Variants in AATF observed in about 807,000 individuals in gnomAD.
The protein encoded by AATF is protein AATF.
In AATF, 48 loss-of-function variants were observed where a neutral mutation model predicts 63.7. The observed-to-expected ratio is 0.75, with a 90% CI of 0.60 to 0.96. The LOEUF is 0.96. Among genes scored for constraint, AATF ranks in the 40% least tolerant of loss-of-function variants. AATF has a pLI of 0.00. For missense variants in AATF, 639 were observed against 685.7 expected, an observed-to-expected ratio of 0.93 and a Z score of 0.76; for synonymous variants, 258 against 247.7, an observed-to-expected ratio of 1.04 and a Z score of -0.39.
chr17:36,972,730 G>T lies in AATF; in HGVS notation c.833-13887G>T, dbSNP rs558248517. Among the ~76,000 whole-genome samples the T allele has an allele frequency of 4.0e-5, 6 of 149,518 alleles. No individual in the cohort carries two copies. The South Asian group carries it at 1.1e-3, about 26-fold the overall frequency. On this transcript the variant is annotated intron_variant, in intron 4 of 11. Transcript: ENST00000619387. The stretch of plus-strand genomic sequence containing the variant: ...TGTAATAGATGCATTTATCATGATT[G>T]CTGTCTGATGAAACTGTTGGGGTTT...
chr17:37,034,605 A>C (rs2071576316), intron 11 of AATF: 1 of 152,218 alleles, frequency 6.6e-6, no homozygotes, highest in Admixed American at 6.5e-5. Context: ...ACTTTATAAG[A>C]ATGACCACAG....
rs559516721 is a variant in AATF, at chr17:36,953,357, C to A, written c.694+61C>A. ...AAGTATCTGCATTTGGTCTACTTTTCATTTGTTTGTTTTTGGCTATTCTCT... is the reference window on the plus strand; with the variant it reads ...AAGTATCTGCATTTGGTCTACTTTTAATTTGTTTGTTTTTGGCTATTCTCT... On this transcript the variant is annotated intron_variant, in intron 3 of 11. Transcript: ENST00000619387. The A allele has an allele frequency of 1.3e-5, 20 of 1,563,054 alleles. No homozygotes were observed. The East Asian group carries it at 4.1e-4, about 32-fold the overall frequency.
At position 36,977,497 on chromosome 17, in the gene AATF, T is replaced by A. The variant is rs113059395; in HGVS notation, c.833-9120T>A. Among the ~76,000 whole-genome samples the A allele has an allele frequency of 5.3e-3, 809 of 152,158 alleles. 8 individuals are homozygous for A. Among genetic ancestry groups the A allele is most frequent in the African/African-American group, 0.018 (731 of 41,542 alleles). ...GCTGTTTTTTTTTTTAAAGACGTTA[T>A]AATATGAAAGAGTGAGACTTCTTAA... On this transcript the variant is annotated intron_variant, in intron 4 of 11. Coordinates refer to ENST00000619387, the MANE Select transcript of AATF (RefSeq NM_012138.4).
At chr17:37,039,777 A>C (rs2071622395) in intron 11 of AATF, among the ~76,000 whole-genome samples, 1 of 152,186 alleles carries the variant, frequency 6.6e-6, no homozygotes, top group Admixed American at 6.5e-5. Context: ...TGGAAAAAAA[A>C]CACTGCTGTT....
chr17:36,975,519 A>G (rs1861005521), intron 4 of AATF, among the ~76,000 whole-genome samples: 2 of 152,330 alleles, frequency 1.3e-5, no homozygotes, highest in South Asian at 4.1e-4. Flanking sequence ...ATCCTTTTCA[A>G]CAGCTGCACA....
intron 8 of AATF, among the ~76,000 whole-genome samples, chr17:37,003,809 A>C (rs981179606): frequency 6.6e-6 from 1 of 151,318 alleles, no homozygotes; most frequent in African/African-American, 2.4e-5. Flanking sequence ...GGTTCAAGAG[A>C]GAATGGGAGG....
chr17:37,051,668 G>A (rs1016676671), intron 11 of AATF, among the ~76,000 whole-genome samples: 2 of 148,132 alleles, frequency 1.4e-5, no homozygotes, highest in Non-Finnish European at 3.0e-5. Context: ...TAAATAAGCC[G>A]AATCCTAAGA....
rs1163393533 is a variant in AATF at position 37,003,471 on chromosome 17, C to CTTTT, written c.1398+12636_1398+12639dup. On this transcript the variant is annotated intron_variant, in intron 8 of 11. Coordinates refer to ENST00000619387, the MANE Select transcript of AATF (RefSeq NM_012138.4). ...AAGTCATTGGTGACCTTGACAAGAA[C>CTTTT]TTTTTTTTTTTTTTTTTTTTTTTTT... Among the ~76,000 whole-genome samples the CTTTT allele has an allele frequency of 1.1e-3, 108 of 96,628 alleles. 3 individuals are homozygous for CTTTT. Among genetic ancestry groups the CTTTT allele is most frequent in the African/African-American group, 4.1e-3 (85 of 20,840 alleles). 63.4% of individuals were successfully genotyped at this position (96,628 alleles called of 152,430 possible).
At position 36,989,521 on chromosome 17, in the gene AATF, G is replaced by T. The variant is rs2071197072; in HGVS notation, c.1314+110G>T. The T allele has an allele frequency of 3.5e-6, 4 of 1,151,948 alleles. No individual in the cohort carries two copies. In the Admixed American group the frequency reaches 1.1e-4, roughly 31 times the overall value. The allele number at this position is 1,151,948 out of a possible 1,614,324, so 71.4% of individuals were successfully genotyped here. Reference sequence around the variant, plus strand: ...TATATAAGAGGTTAGTGAGAGAAAGGAAAGCAACACTACTTTACTGGATTA... The same window carrying T: ...TATATAAGAGGTTAGTGAGAGAAAGTAAAGCAACACTACTTTACTGGATTA... On this transcript the variant is annotated intron_variant, in intron 7 of 11. Coordinates refer to ENST00000619387, the MANE Select transcript of AATF (RefSeq NM_012138.4).
At chr17:37,055,331 T>TG (rs2142334999) in intron 11 of AATF, 1 of 152,350 alleles carries the variant, frequency 6.6e-6, no homozygotes, top group Non-Finnish European at 1.5e-5. Flanking sequence ...ATGTTTTTCT[T>TG]TTGACTTTTT....
At chr17:37,033,146 G>C (rs1023821907) in intron 11 of AATF, among the ~76,000 whole-genome samples, 7 of 152,128 alleles carry the variant, frequency 4.6e-5, no homozygotes, top group Admixed American at 6.6e-5. Context: ...ACAGCCTATG[G>C]ATGGTTCTGA....
chr17:36,955,633 T>C (rs2070893543), intron 4 of AATF, among the ~76,000 whole-genome samples: 3 of 152,228 alleles, frequency 2.0e-5, no homozygotes, highest in Non-Finnish European at 2.9e-5. Flanking sequence ...CGATAAGGCC[T>C]GTTTTCATTT....
chr17:36,957,760 A>T (rs750138474), intron 4 of AATF, among the ~76,000 whole-genome samples: 3 of 152,088 alleles, frequency 2.0e-5, no homozygotes, highest in Non-Finnish European at 4.4e-5. Context: ...TCCTGTCCTC[A>T]GGTTGCGTTT....
chr17:37,025,474 C>A (rs1253331180), intron 10 of AATF, among the ~76,000 whole-genome samples: 1 of 152,068 alleles, frequency 6.6e-6, no homozygotes, highest in Non-Finnish European at 1.5e-5. Context: ...ATAAAGAATG[C>A]TGAGGAACAG....
intron 8 of AATF, among the ~76,000 whole-genome samples, chr17:37,005,840 AT>A (rs2071337118): frequency 6.6e-6 from 1 of 152,154 alleles, no homozygotes; most frequent in East Asian, 1.9e-4. Flanking sequence ...ATTAGAAAGC[AT>A]GGCTTGCTGG....
chr17:37,024,320 G>A (rs73985340), intron 10 of AATF, among the ~76,000 whole-genome samples: 5,768 of 152,298 alleles, frequency 0.038, 371 homozygotes, highest in African/African-American at 0.13. Context: ...AAGACAAAGA[G>A]AATGTGTACA....
At chr17:37,048,339 C>A (rs1264879483) in intron 11 of AATF, among the ~76,000 whole-genome samples, 7 of 125,958 alleles carry the variant, frequency 5.6e-5, no homozygotes, top group African/African-American at 2.1e-4. Context: ...ATCCAGCCTT[C>A]TTGGGGAGCT....
At chr17:37,043,072 A>G (rs192618752) in intron 11 of AATF, 4 of 151,606 alleles carry the variant, frequency 2.6e-5, no homozygotes, top group African/African-American at 4.8e-5. Context: ...CACATCGACT[A>G]TTACACTAAC....
chr17:37,017,064 C>T (rs1002438079), intron 8 of AATF, among the ~76,000 whole-genome samples: 2 of 152,114 alleles, frequency 1.3e-5, no homozygotes, highest in Non-Finnish European at 2.9e-5. Context: ...TTGCAGAGAC[C>T]ACTGCAGTGG....
Sources: gnomAD v4.1 joint callset for allele counts (sites outside exome capture counted in the v4.1 genomes callset) on GRCh38, gnomAD v4.1.1 for gene constraint, MANE v1.5 for transcripts, NCBI Gene and HGNC (gene_info 2026-07-23, HGNC 2026-07-21) for gene names.